VGLL4: variants seen among roughly 807,000 people sequenced by gnomAD.
The protein encoded by VGLL4 is transcription cofactor vestigial-like protein 4.
A neutral mutation model predicts 21.0 loss-of-function variants in VGLL4; 7 were observed. The observed-to-expected ratio is 0.33, with a 90% confidence interval of 0.19 to 0.63. The LOEUF (loss-of-function observed/expected upper bound fraction) is 0.63, where lower values mean the gene tolerates loss of function less well. VGLL4 is among the 20% of genes least tolerant of loss of function. The pLI is 0.78. For missense variants in VGLL4, 394 were observed against 425.7 expected (o/e 0.93, Z 0.66); for synonymous variants, 222 against 173.2 (o/e 1.28, Z -2.21).
At chr3:11,639,284 C>A (rs915816086) in intron 1 of VGLL4, among the ~76,000 whole-genome samples, 2 of 152,242 alleles carry the variant, frequency 1.3e-5, no homozygotes, top group African/African-American at 4.8e-5. Flanking sequence ...GGCTCTGGAG[C>A]TGGCATCCAC....
rs768290568 is a variant in VGLL4, at chr3:11,677,277, AT to A, written c.64+25693del. ...ATATTTTTTAAAAGAACAGACTGCA[AT>A]TTTTTTTTTTTTTGACAGGGTCTCA... On this transcript the variant is annotated intron_variant, in intron 2 of 5. Coordinates refer to the VGLL4 transcript ENST00000273038. Among the ~76,000 whole-genome samples, 734 of 145,184 alleles carry A rather than the reference AT, an allele frequency of 5.1e-3. 3 individuals are homozygous for A. The highest frequency in any genetic ancestry group is 0.014 in the African/African-American group (559 of 39,836).
chr3:11,702,911 A>G, intron 2 of VGLL4: 1 of 1,489,432 alleles, frequency 6.7e-7, no homozygotes, highest in Admixed American at 2.1e-5. Context: ...TTTGTTATGG[A>G]GCAGAAGACA....
intron 1 of VGLL4, among the ~76,000 whole-genome samples, chr3:11,627,085 C>T (rs1319538620): frequency 6.6e-6 from 1 of 152,072 alleles, no homozygotes; most frequent in Non-Finnish European, 1.5e-5. Context: ...TTAAAAGACA[C>T]TTGCAAACTC....
rs752186671 is a variant in VGLL4, at chr3:11,719,848, C to A, written c.-14+546G>T. ...CTCGCACCTCCCGGGCCGATGCCGG[C>A]GCGCTGGGGCAGTGAGGTTTGTCGG... On this transcript the variant is annotated intron_variant, in intron 1 of 5. Coordinates refer to the VGLL4 transcript ENST00000273038. This position sits in a 1 kb window ranked among gnomAD's most constrained non-coding sequence, Gnocchi z 4.0. 1.2e-3 allele frequency among the ~76,000 whole-genome samples: 177 copies of A among 152,180 alleles called. 1 individual carries two copies. Among genetic ancestry groups the A allele is most frequent in the Non-Finnish European group, 2.3e-3 (156 of 67,986 alleles).
At chr3:11,659,078 G>A (rs1489477385) in intron 2 of VGLL4, among the ~76,000 whole-genome samples, 4 of 152,084 alleles carry the variant, frequency 2.6e-5, no homozygotes, top group African/African-American at 9.7e-5. Flanking sequence ...ATTTACTTGT[G>A]TCTGGGACCC....
At chr3:11,566,254 G>C (rs2073506252) in intron 2 of VGLL4, among the ~76,000 whole-genome samples, 1 of 152,116 alleles carries the variant, frequency 6.6e-6, no homozygotes, top group Admixed American at 6.5e-5. Flanking sequence ...CATGTGATAG[G>C]CGTACCTTTC....
intron 1 of VGLL4, among the ~76,000 whole-genome samples, chr3:11,711,817 C>T (rs1216586418): frequency 6.6e-6 from 1 of 152,146 alleles, no homozygotes; most frequent in Non-Finnish European, 1.5e-5. Context: ...AACTCCCTGC[C>T]CTTGAGCACC....
intron 2 of VGLL4, among the ~76,000 whole-genome samples, chr3:11,688,789 C>T (rs778121177): frequency 3.9e-5 from 6 of 152,050 alleles, no homozygotes; most frequent in African/African-American, 1.2e-4. Flanking sequence ...GAGGCCGAGG[C>T]GGGTGGATCA....
chr3:11,644,764 T>C (rs1439134651), upstream of VGLL4, among the ~76,000 whole-genome samples: 2 of 148,656 alleles, frequency 1.3e-5, no homozygotes, highest in African/African-American at 2.5e-5. Flanking sequence ...GAGAATTGCT[T>C]GAACCTGAGA....
At chr3:11,642,168 C>T (rs1052161236) in intron 1 of VGLL4, among the ~76,000 whole-genome samples, 1 of 152,120 alleles carries the variant, frequency 6.6e-6, no homozygotes, top group South Asian at 2.1e-4. Context: ...CTTAACACAT[C>T]AGATGCAAAG....
intron 2 of VGLL4, among the ~76,000 whole-genome samples, chr3:11,579,700 C>T (rs1263907790): frequency 1.3e-5 from 2 of 152,032 alleles, no homozygotes; most frequent in Non-Finnish European, 2.9e-5. Flanking sequence ...GAAGCACCCT[C>T]CCCCCCAAGT....
chr3:11,581,482 G>T (rs1166344937), intron 2 of VGLL4, among the ~76,000 whole-genome samples: 1 of 152,168 alleles, frequency 6.6e-6, no homozygotes, highest in East Asian at 1.9e-4. Flanking sequence ...CCCTCAAGCA[G>T]TCACTTACTC....
At chr3:11,682,075 A>G (rs1206686026) in intron 2 of VGLL4, among the ~76,000 whole-genome samples, 1 of 152,190 alleles carries the variant, frequency 6.6e-6, no homozygotes, top group African/African-American at 2.4e-5. Flanking sequence ...TCTGGCCAAC[A>G]AGGCGAAATG....
chr3:11,567,348 T>G (rs971545740), intron 2 of VGLL4, among the ~76,000 whole-genome samples: 2 of 152,126 alleles, frequency 1.3e-5, no homozygotes, highest in African/African-American at 4.8e-5. Context: ...ATAGGGTGAT[T>G]AGCTGTACAG....
intron 2 of VGLL4, among the ~76,000 whole-genome samples, chr3:11,679,063 C>T (rs1465720614): frequency 6.6e-6 from 1 of 152,040 alleles, no homozygotes; most frequent in Non-Finnish European, 1.5e-5. Context: ...AATAAATGAC[C>T]CTGTTATTGG....
At chr3:11,672,484 T>C (rs1382101346) in intron 2 of VGLL4, among the ~76,000 whole-genome samples, 1 of 152,230 alleles carries the variant, frequency 6.6e-6, no homozygotes, top group Non-Finnish European at 1.5e-5. Context: ...TGGCAAATTC[T>C]TCATAATTCC....
At chr3:11,661,109 G>C (rs2076030588) in intron 2 of VGLL4, among the ~76,000 whole-genome samples, 1 of 152,144 alleles carries the variant, frequency 6.6e-6, no homozygotes, top group African/African-American at 2.4e-5. Flanking sequence ...AATTCCTTCT[G>C]TCCTAGAGAG....
chr3:11,650,332 G>C (rs552988637), intron 2 of VGLL4, among the ~76,000 whole-genome samples: 2 of 152,270 alleles, frequency 1.3e-5, no homozygotes, highest in East Asian at 3.9e-4. Flanking sequence ...CTAATTACTA[G>C]GCTGATCTGT....
chr3:11,656,308 C>T (rs1336688029), intron 2 of VGLL4, among the ~76,000 whole-genome samples: 2 of 152,218 alleles, frequency 1.3e-5, no homozygotes, highest in African/African-American at 2.4e-5. Context: ...AAAGTGACAT[C>T]TGATTAAGTT....
Sources: allele counts gnomAD v4.1 joint callset (sites outside exome capture counted in the v4.1 genomes callset), GRCh38; gene constraint gnomAD v4.1.1; non-coding constraint Gnocchi (gnomAD v3.1); transcripts MANE v1.5; gene names NCBI Gene and HGNC (gene_info 2026-07-23, HGNC 2026-07-21).